ZNF43: variants seen among roughly 807,000 people sequenced by gnomAD.
ZNF43 encodes zinc finger protein 43.
A neutral mutation model predicts 68.4 loss-of-function variants in ZNF43; 44 were observed. That is an observed-to-expected ratio of 0.64 (90% CI 0.51 to 0.83). The LOEUF is 0.83. Ranked by LOEUF, ZNF43 falls within the 40% of genes least tolerant of loss-of-function variation. The pLI is 0.00. For missense variants in ZNF43, 896 were observed against 933.2 expected, an observed-to-expected ratio of 0.96 and a Z score of 0.52; for synonymous variants, 308 against 307.8, an observed-to-expected ratio of 1.00 and a Z score of -0.01.
chr19:21,835,930 C>T (rs1446738558), intron 1 of ZNF43, 106 bp downstream of exon 1: 19 of 1,583,780 alleles, frequency 1.2e-5, no homozygotes, highest in Non-Finnish European at 1.6e-5. Context: ...TGAGGCCGAG[C>T]TGGGCAAGAA....
chr19:21,826,836 C>CAAAAAAAAAAAA (rs2038148149), intron 1 of ZNF43: 1 of 126,712 alleles, frequency 7.9e-6, no homozygotes, highest in African/African-American at 3.5e-5. Flanking sequence ...CTCTTTGTCT[C>CAAAAAAAAAAAA]CAAAAAAAAA....
chr19:21,848,302 C>A (rs754823482), intron 1 of ZNF43, among the ~76,000 whole-genome samples: 10 of 152,104 alleles, frequency 6.6e-5, no homozygotes, highest in Non-Finnish European at 1.2e-4. Flanking sequence ...CGCCACCACA[C>A]GTGGCTAATT....
intron 1 of ZNF43, among the ~76,000 whole-genome samples, chr19:21,822,333 T>A (rs1022841926): frequency 2.3e-5 from 2 of 88,678 alleles, no homozygotes; most frequent in Non-Finnish European, 4.9e-5. Context: ...GAACCTTTTA[T>A]ACTTGATTCT....
rs752708495 is a variant in ZNF43, at chr19:21,806,660, C to A, written c.*947G>T. On this transcript the variant is annotated 3_prime_UTR_variant, in exon 4 of 4. Coordinates refer to ENST00000354959, the MANE Select transcript of ZNF43 (RefSeq NM_003423.4). ...CATCATTATTCACTAATTTAAAAAT[C>A]AGTAATTTTTTCAAGATAAAAGTAT... 2.0e-5 allele frequency: 3 copies of A among 151,266 alleles called. No individual in the cohort carries two copies. Among genetic ancestry groups the A allele is most frequent in the Non-Finnish European group, 4.4e-5 (3 of 68,000 alleles). 9.4% of individuals were successfully genotyped at this position (151,266 alleles called of 1,614,324 possible).
At chr19:21,849,559 C>T (rs1481754345) in intron 1 of ZNF43, among the ~76,000 whole-genome samples, 1 of 147,412 alleles carries the variant, frequency 6.8e-6, no homozygotes, top group African/African-American at 2.5e-5. Context: ...CCTGTAATCC[C>T]AACACCTGGG....
intron 3 of ZNF43, among the ~76,000 whole-genome samples, chr19:21,814,805 C>A (rs1325805281): frequency 6.6e-6 from 1 of 151,882 alleles, no homozygotes; most frequent in Non-Finnish European, 1.5e-5. Flanking sequence ...CCAAAAAACA[C>A]AATAAACTGA....
At chr19:21,836,416 T>C (rs2038743981), upstream of ZNF43, among the ~76,000 whole-genome samples, 1 of 152,260 alleles carries the variant, frequency 6.6e-6, no homozygotes, top group Admixed American at 6.5e-5. Flanking sequence ...CCAGAGGGTA[T>C]TTGCCTTTAA....
intron 1 of ZNF43, chr19:21,843,049 G>C (rs1967651459): frequency 6.6e-6 from 1 of 152,222 alleles, no homozygotes; most frequent in African/African-American, 2.4e-5. Context: ...CTGAAGCCAG[G>C]GTCTAGGTAG....
In ZNF43 at chr19:21,809,030, T is replaced by C. The variant is rs150475394; in HGVS notation, c.1007A>G (p.His336Arg). 12,611 of 1,613,652 alleles carry C rather than the reference T, an allele frequency of 7.8e-3. 71 individuals carry two copies. Among genetic ancestry groups the C allele is most frequent in the Middle Eastern group, 0.011 (67 of 6,060 alleles). Residue 336 changes from histidine (H) to arginine (R), a missense_variant, in exon 4 of 4, where the codon CAT becomes CGT. Physicochemically the swap from His to Arg is conservative, Grantham distance 29 (BLOSUM62 0). Coordinates refer to ENST00000354959, the MANE Select transcript of ZNF43 (RefSeq NM_003423.4). Reference sequence around the variant, plus strand: ...ACATGTGTAGGGTTTCTCTCCAGTATGAATTCTCTTATGTTTAGTAAGAGT... The same window carrying C: ...ACATGTGTAGGGTTTCTCTCCAGTACGAATTCTCTTATGTTTAGTAAGAGT... ...PSTLTKHKRI[H>R]TGEKPYTCEE... is the part of the protein sequence containing the mutation.
At chr19:21,819,031 C>T in intron 2 of ZNF43, 64 bp downstream of exon 2, 1 of 1,554,842 alleles carries the variant, frequency 6.4e-7, no homozygotes, top group East Asian at 2.3e-5. Context: ...AAAAAACAGT[C>T]TACAGAAAAC....
rs1199202418 is a variant in ZNF43, at chr19:21,844,922, ATAT to A, written c.30+6980_30+6982del. On this transcript the variant is annotated intron_variant, in intron 1 of 3. Transcript: ENST00000357491. ...AAAAAAAAAAAAAAAAAAAAAAAAA[ATAT>A]ATATATATATATATATATATATGTT... Among the ~76,000 whole-genome samples, 273 of 37,240 alleles carry A rather than the reference ATAT, an allele frequency of 7.3e-3. 3 individuals are homozygous for A. The highest frequency in any genetic ancestry group is 0.029 in the African/African-American group (189 of 6,442). 24.4% of individuals were successfully genotyped at this position (37,240 alleles called of 152,430 possible). A position where few individuals can be genotyped will look rare whatever the true frequency, so the allele number is the denominator to read the frequency against.
Position 21,809,736 on chromosome 19 carries a change from G to C in ZNF43, c.301C>G (p.Leu101Val). 2 of 1,606,330 alleles carry C rather than the reference G, an allele frequency of 1.2e-6. No individual in the cohort carries two copies. The highest frequency in any genetic ancestry group is 1.7e-4 in the Middle Eastern group (1 of 6,006). Reference sequence around the variant, plus strand: ...TGTTCACAGTTTTTATATCTTCTCAGTGTCGCTTTTTGGAAAGGATCTTTT... The same window carrying C: ...TGTTCACAGTTTTTATATCTTCTCACTGTCGCTTTTTGGAAAGGATCTTTT... ...HIKDPFQKAT[L>V]RRYKNCEHKN... The change falls in exon 4 of 4, where the codon CTG becomes GTG. Residue 101 changes from leucine (L) to valine (V), a missense_variant. Transcript: ENST00000354959.
Position 21,809,755 on chromosome 19 carries a change from A to G in ZNF43, c.282T>C (p.Asp94=), listed in dbSNP as rs770888222. The change falls in exon 4 of 4, where the codon GAT becomes GAC. Residue 94 remains aspartate (D), a synonymous_variant. Coordinates refer to ENST00000354959, the MANE Select transcript of ZNF43 (RefSeq NM_003423.4). Reference sequence around the variant, plus strand: ...TTCTCAGTGTCGCTTTTTGGAAAGGATCTTTTATATGCTGCTCTGGCCAAA... The same window carrying G: ...TTCTCAGTGTCGCTTTTTGGAAAGGGTCTTTTATATGCTGCTCTGGCCAAA... ...QDFWPEQHIK[D]PFQKATLRRY... 1.2e-6 allele frequency: 2 copies of G among 1,603,530 alleles called. No individual in the cohort carries two copies.
intron 1 of ZNF43, among the ~76,000 whole-genome samples, chr19:21,842,789 G>A (rs1270405982): frequency 6.6e-6 from 1 of 152,180 alleles, no homozygotes; most frequent in Non-Finnish European, 1.5e-5. Context: ...ATATAATCTA[G>A]TTTATGGGCC....
chr19:21,819,954 T>C (rs1331922359), intron 1 of ZNF43, among the ~76,000 whole-genome samples: 2 of 151,852 alleles, frequency 1.3e-5, no homozygotes, highest in Non-Finnish European at 2.9e-5. Context: ...ATCCTAGCAC[T>C]TTGGGAGGCT....
chr19:21,817,911 T>C lies in ZNF43; in HGVS notation c.206A>G (p.His69Arg). 1 of 1,613,176 alleles carries C rather than the reference T, an allele frequency of 6.2e-7. No homozygotes were observed. Among genetic ancestry groups the C allele is most frequent in the Non-Finnish European group, 8.5e-7 (1 of 1,179,318 alleles). The change falls in exon 3 of 4, where the codon CAT (histidine) becomes CGT (arginine). Residue 69 changes from histidine (H) to arginine (R), a missense_variant. Coordinates refer to ENST00000354959, the MANE Select transcript of ZNF43 (RefSeq NM_003423.4). ...ACCTGGGGGTTTGGCTACCATTTCATGTCTCCTCATAGGCTCCCAAGGCTC... is the reference window on the plus strand; with the variant it reads ...ACCTGGGGGTTTGGCTACCATTTCACGTCTCCTCATAGGCTCCCAAGGCTC... ...EKEPWEPMRR[H>R]EMVAKPPVMC...
chr19:21,839,645 C>T (rs1425295997), upstream of ZNF43: 1 of 152,202 alleles, frequency 6.6e-6, no homozygotes, highest in East Asian at 1.9e-4. Context: ...ATGGCCATAG[C>T]AGGAAAGAAG....
At chr19:21,838,470 G>A (rs1967274011), upstream of ZNF43, among the ~76,000 whole-genome samples, 1 of 150,428 alleles carries the variant, frequency 6.6e-6, no homozygotes, top group Admixed American at 6.7e-5. Flanking sequence ...TGCAATCTCA[G>A]CTCACTGCAA....
upstream of ZNF43, chr19:21,840,947 G>C (rs1430778209): frequency 1.3e-5 from 2 of 152,142 alleles, no homozygotes; most frequent in Non-Finnish European, 2.9e-5. Flanking sequence ...CATCTTAACT[G>C]TTGTCACATG....
Sources: allele counts gnomAD v4.1 joint callset (sites outside exome capture counted in the v4.1 genomes callset), GRCh38; gene constraint gnomAD v4.1.1; transcripts MANE v1.5; gene names NCBI Gene and HGNC (gene_info 2026-07-23, HGNC 2026-07-21).